DOK5: variants seen among roughly 807,000 people sequenced by gnomAD.
DOK5 encodes docking protein 5.
A neutral mutation model predicts 43.3 loss-of-function variants in DOK5; 27 were observed. The observed-to-expected ratio is 0.62, with a 90% CI of 0.46 to 0.86. The LOEUF (loss-of-function observed/expected upper bound fraction) is 0.86. Among genes scored for constraint, DOK5 ranks in the 40% least tolerant of loss-of-function variants. The pLI, the probability that DOK5 is intolerant of heterozygous loss-of-function variation, is 0.00. For missense variants in DOK5, 373 were observed against 392.9 expected (o/e 0.95, Z 0.43); for synonymous variants, 146 against 140.1 (o/e 1.04, Z -0.30).
At chr20:54,493,080 AAGG>A (rs1982256222) in intron 1 of DOK5, among the ~76,000 whole-genome samples, 1 of 150,970 alleles carries the variant, frequency 6.6e-6, no homozygotes, top group African/African-American at 2.4e-5. Context: ...AAAAAAAAAA[AAGG>A]GATGTGTTTG....
intron 1 of DOK5, among the ~76,000 whole-genome samples, chr20:54,496,765 CAAAAAA>C (rs74179280): frequency 1.7e-5 from 1 of 59,506 alleles, no homozygotes. Context: ...GACTCCGTCT[CAAAAAA>C]AAAAAAAAAA....
intron 6 of DOK5, among the ~76,000 whole-genome samples, chr20:54,630,577 T>C (rs1400558962): frequency 6.6e-6 from 1 of 152,218 alleles, no homozygotes; most frequent in East Asian, 1.9e-4. Context: ...TGTAGATAGA[T>C]GGTATTTAAA....
intron 5 of DOK5, among the ~76,000 whole-genome samples, chr20:54,600,221 G>C (rs906034268): frequency 2.0e-5 from 3 of 152,164 alleles, no homozygotes; most frequent in African/African-American, 7.2e-5. Context: ...CACAGGTGGA[G>C]ATGCAGCGGG....
At chr20:54,649,248 C>A (rs916681956) in intron 7 of DOK5, among the ~76,000 whole-genome samples, 16 of 151,900 alleles carry the variant, frequency 1.1e-4, no homozygotes, top group African/African-American at 3.9e-4. Flanking sequence ...TAGGCGAGAC[C>A]CCCTCCCTAC....
intron 1 of DOK5, among the ~76,000 whole-genome samples, chr20:54,509,036 C>A (rs1338259795): frequency 2.0e-5 from 3 of 151,910 alleles, no homozygotes; most frequent in African/African-American, 4.8e-5. Context: ...GCCACCCCAC[C>A]CAGCTAGTTT....
At chr20:54,587,906 A>G (rs1985859115) in intron 2 of DOK5, among the ~76,000 whole-genome samples, 1 of 152,166 alleles carries the variant, frequency 6.6e-6, no homozygotes, top group Admixed American at 6.5e-5. Context: ...TTCATTATGT[A>G]CTTTCTATGA....
chr20:54,637,430 C>G (rs1003946369), intron 6 of DOK5, among the ~76,000 whole-genome samples: 4 of 152,238 alleles, frequency 2.6e-5, no homozygotes, highest in African/African-American at 9.6e-5. Flanking sequence ...TGAGCTAACA[C>G]TGCTAATAGA....
chr20:54,639,240 A>C (rs538745651), intron 6 of DOK5, among the ~76,000 whole-genome samples: 113 of 152,306 alleles, frequency 7.4e-4, no homozygotes, highest in Non-Finnish European at 1.4e-3. Context: ...CAGCCTTTGC[A>C]GTCTTGCTCA....
chr20:54,641,367 CA>C (rs1037671022), intron 6 of DOK5, among the ~76,000 whole-genome samples: 7 of 151,982 alleles, frequency 4.6e-5, no homozygotes, highest in East Asian at 3.9e-4. Context: ...TCATGAACTA[CA>C]ATGAGTTTTG....
intron 5 of DOK5, among the ~76,000 whole-genome samples, chr20:54,597,127 G>A (rs1486594815): frequency 6.6e-6 from 1 of 152,118 alleles, no homozygotes; most frequent in Admixed American, 6.6e-5. Flanking sequence ...AACAAAATAT[G>A]TACAATATAG....
At chr20:54,591,283 A>G (rs1488180900) in intron 4 of DOK5, among the ~76,000 whole-genome samples, 1 of 152,212 alleles carries the variant, frequency 6.6e-6, no homozygotes, top group Non-Finnish European at 1.5e-5. Flanking sequence ...CAGGAAAAAA[A>G]AATTGCTTTT....
chr20:54,501,592 G>A (rs1289744172), intron 1 of DOK5, among the ~76,000 whole-genome samples: 1 of 151,928 alleles, frequency 6.6e-6, no homozygotes, highest in East Asian at 1.9e-4. Context: ...TATAGGATGT[G>A]GCTCAGAATC....
chr20:54,589,206 G>T (rs143189707), intron 4 of DOK5, among the ~76,000 whole-genome samples: 1 of 152,246 alleles, frequency 6.6e-6, no homozygotes, highest in African/African-American at 2.4e-5. Context: ...AATTCTGTTA[G>T]CTCACTAGTG....
chr20:54,611,008 C>T (rs991119496), intron 6 of DOK5, among the ~76,000 whole-genome samples: 3 of 152,106 alleles, frequency 2.0e-5, no homozygotes, highest in Admixed American at 1.3e-4. Context: ...TCAAGGGAAG[C>T]CAAAGATTTG....
intron 5 of DOK5, among the ~76,000 whole-genome samples, chr20:54,600,573 C>T (rs564007833): frequency 6.6e-6 from 1 of 152,246 alleles, no homozygotes; most frequent in South Asian, 2.1e-4. Context: ...CTGTTATCTT[C>T]TCCCTGTGGA....
chr20:54,540,690 T>A (rs1247492369), intron 1 of DOK5, among the ~76,000 whole-genome samples: 1 of 152,018 alleles, frequency 6.6e-6, no homozygotes, highest in Non-Finnish European at 1.5e-5. Flanking sequence ...ATAATTTTTT[T>A]ATTTTTCTAT....
chr20:54,530,683 G>A (rs544764782), intron 1 of DOK5, among the ~76,000 whole-genome samples: 4 of 152,170 alleles, frequency 2.6e-5, no homozygotes, highest in South Asian at 2.1e-4. Flanking sequence ...TCGGGTAGTT[G>A]GGGTATTCAC....
intron 1 of DOK5, among the ~76,000 whole-genome samples, chr20:54,526,340 G>A (rs897174167): frequency 1.3e-5 from 2 of 152,084 alleles, no homozygotes; most frequent in African/African-American, 2.4e-5. Flanking sequence ...GGACGACGAC[G>A]GCATGGCGCC....
intron 6 of DOK5, among the ~76,000 whole-genome samples, chr20:54,629,894 G>A (rs918079468): frequency 5.9e-5 from 9 of 152,240 alleles, no homozygotes; most frequent in Admixed American, 5.9e-4. Context: ...GCGTGTGCAT[G>A]TGCAAAGAGG....
Sources: gnomAD v4.1 joint callset for allele counts (sites outside exome capture counted in the v4.1 genomes callset) on GRCh38, gnomAD v4.1.1 for gene constraint, MANE v1.5 for transcripts, NCBI Gene and HGNC (gene_info 2026-07-23, HGNC 2026-07-21) for gene names.